Variants in ADAMTS12 observed in about 807,000 individuals in gnomAD.
The protein encoded by ADAMTS12 is ADAM metallopeptidase with thrombospondin type 1 motif 12, also known as A disintegrin and metalloproteinase with thrombospondin motifs 12.
ADAMTS12 carries 118 observed loss-of-function variants against 167.8 expected under a neutral mutation model. That is an observed-to-expected ratio of 0.70 (90% CI 0.61 to 0.82). The LOEUF is 0.82. ADAMTS12 is among the 40% of genes least tolerant of loss of function. The probability of loss-of-function intolerance (pLI) is 0.00; values close to 1 mark genes in which losing one functional copy is unlikely to be tolerated. For synonymous variants in ADAMTS12, 704 were observed against 716.9 expected (o/e 0.98, Z 0.29); for missense variants, 1,916 against 1,998.8 (o/e 0.96, Z 0.79).
chr5:33,708,967 CAAAT>C (rs564703444), intron 3 of ADAMTS12, among the ~76,000 whole-genome samples: 12 of 151,450 alleles, frequency 7.9e-5, no homozygotes, highest in Non-Finnish European at 1.6e-4. Context: ...AATAAAAAAA[CAAAT>C]AAAAAACAAA....
In ADAMTS12 at chr5:33,648,913, G is replaced by GCT; in HGVS notation, c.1387_1388insAG (p.Ser463Ter). The GCT allele has an allele frequency of 5.0e-6, 8 of 1,614,026 alleles. No homozygotes were observed. Among genetic ancestry groups the GCT allele is most frequent in the Non-Finnish European group, 5.9e-6 (7 of 1,179,944 alleles). ...GATCACTCCGGGGGCAATGACCTTGGACTTCAAGCCTTTCTTTTTAGGTAT... is the reference window on the plus strand; with the variant it reads ...GATCACTCCGGGGGCAATGACCTTGGCTACTTCAAGCCTTTCTTTTTAGGTAT... ...DDIPKKKGLK[S>*]KVIAPGVIYD... is the part of the protein sequence containing the mutation. The change falls in exon 9 of 24, where the codon TCC becomes TAGCC. Residue 463 changes from serine to a stop codon, truncating the protein, a stop_gained and frameshift_variant. Transcript: ENST00000504830. LOFTEE classifies it high-confidence loss of function.
At chr5:33,585,100 G>A (rs1747278477) in intron 18 of ADAMTS12, among the ~76,000 whole-genome samples, 1 of 151,954 alleles carries the variant, frequency 6.6e-6, no homozygotes, top group Admixed American at 6.6e-5. Flanking sequence ...GAAAAAGATG[G>A]CATAGGTTTT....
chr5:33,637,719 A>G lies in ADAMTS12; in HGVS notation c.1746T>C (p.Thr582=). ...ACAAGCGATAGCGTTTTCTTTCTCC[A>G]GTGCAATATTTCCCTCCAAACTTTG... ...PEPKFGGKYC[T]GERKRYRLCN... Residue 582 remains threonine, a synonymous_variant, in exon 12 of 24, where the codon ACT becomes ACC. Transcript: ENST00000504830. The G allele has an allele frequency of 6.2e-7, 1 of 1,613,310 alleles. No homozygotes were observed.
chr5:33,550,804 G>T (rs917148712), intron 20 of ADAMTS12, among the ~76,000 whole-genome samples: 1 of 152,116 alleles, frequency 6.6e-6, no homozygotes, highest in African/African-American at 2.4e-5. Flanking sequence ...GCCCTGCCCT[G>T]CCCTGTTCCG....
intron 14 of ADAMTS12, among the ~76,000 whole-genome samples, chr5:33,616,723 A>G (rs1262564422): frequency 6.6e-6 from 1 of 152,246 alleles, no homozygotes; most frequent in Non-Finnish European, 1.5e-5. Flanking sequence ...TCACTGAAAT[A>G]GGAACTTATA....
chr5:33,659,243 T>C (rs1029749256), intron 6 of ADAMTS12, among the ~76,000 whole-genome samples: 4 of 152,072 alleles, frequency 2.6e-5, no homozygotes, highest in African/African-American at 7.2e-5. Context: ...GCTGGGGTAA[T>C]AGGACAGGAA....
intron 2 of ADAMTS12, among the ~76,000 whole-genome samples, chr5:33,818,113 CAA>C (rs1194844159): frequency 1.6e-4 from 24 of 152,154 alleles, no homozygotes; most frequent in African/African-American, 5.8e-4. Flanking sequence ...TTTGTTGTGA[CAA>C]GAGCAGGTAA....
At chr5:33,611,710 T>G (rs986913934) in intron 16 of ADAMTS12, among the ~76,000 whole-genome samples, 1 of 152,176 alleles carries the variant, frequency 6.6e-6, no homozygotes, top group African/African-American at 2.4e-5. Context: ...AAGGAATTGG[T>G]TAAGGAAATT....
At position 33,588,602 on chromosome 5, in the gene ADAMTS12, A is replaced by T. The variant is rs1160323356; in HGVS notation, c.2862T>A (p.Ser954Arg). 1 of 1,613,794 alleles carries T rather than the reference A, an allele frequency of 6.2e-7. No homozygotes were observed. Reference protein sequence around the residue: ...CPSDWTVGNWSECSVSCGGGV... With the variant: ...CPSDWTVGNWRECSVSCGGGV... ...CCCCGCCGAGCCCTGAGCTCACCTC[A>T]CTCCAGTTGCCCACTGTCCAGTCCG... Residue 954 changes from serine to arginine, a missense_variant, in exon 18 of 24, where the codon AGT becomes AGA. Coordinates refer to ENST00000504830, the MANE Select transcript of ADAMTS12 (RefSeq NM_030955.4).
intron 18 of ADAMTS12, among the ~76,000 whole-genome samples, chr5:33,582,743 C>T (rs963965727): frequency 5.3e-5 from 8 of 152,202 alleles, no homozygotes; most frequent in African/African-American, 1.9e-4. Context: ...AGAGCCTCCA[C>T]CTCATGTCCC....
At chr5:33,707,255 G>A (rs745638628) in intron 3 of ADAMTS12, among the ~76,000 whole-genome samples, 2 of 152,150 alleles carry the variant, frequency 1.3e-5, no homozygotes, top group South Asian at 4.1e-4. Flanking sequence ...GGGATGTGAA[G>A]TACCTCTTCA....
At chr5:33,654,735 T>C (rs1349311241) in intron 7 of ADAMTS12, among the ~76,000 whole-genome samples, 2 of 152,182 alleles carry the variant, frequency 1.3e-5, no homozygotes, top group East Asian at 1.9e-4. Context: ...TTTTCTAGCA[T>C]AGAGCCACAG....
chr5:33,732,598 T>C (rs1744233738), intron 3 of ADAMTS12, among the ~76,000 whole-genome samples: 1 of 152,178 alleles, frequency 6.6e-6, no homozygotes, highest in Non-Finnish European at 1.5e-5. Flanking sequence ...ATATAGCATA[T>C]TTTGCACAAC....
At chr5:33,762,325 G>C (rs1313932935) in intron 2 of ADAMTS12, among the ~76,000 whole-genome samples, 1 of 151,866 alleles carries the variant, frequency 6.6e-6, no homozygotes, top group Admixed American at 6.6e-5. Context: ...TGGCTAACAC[G>C]GTGAAACCCT....
rs773747916 is a variant in ADAMTS12, at chr5:33,891,457, A to G, written c.127+273T>C. ...AGGAGACAAAAGAGAAAAAGTTACC[A>G]GCTACCTCTTGGGTCTTTCAAAGAC... On this transcript the variant is annotated intron_variant, in intron 1 of 23. Transcript: ENST00000504830. 5.0e-4 allele frequency: 203 copies of G among 405,154 alleles called. 1 individual carries two copies. Among genetic ancestry groups the G allele is most frequent in the Non-Finnish European group, 6.6e-4 (151 of 230,392 alleles). The allele number at this position is 405,154 out of a possible 1,614,324, so 25.1% of individuals were successfully genotyped here.
At chr5:33,833,250 G>C (rs1748374026) in intron 2 of ADAMTS12, among the ~76,000 whole-genome samples, 1 of 152,184 alleles carries the variant, frequency 6.6e-6, no homozygotes, top group Admixed American at 6.5e-5. Context: ...AACAGTATTT[G>C]CTTTTTTAGT....
At chr5:33,729,737 G>A (rs1744112359) in intron 3 of ADAMTS12, among the ~76,000 whole-genome samples, 1 of 152,188 alleles carries the variant, frequency 6.6e-6, no homozygotes, top group Admixed American at 6.5e-5. Flanking sequence ...GAGACTGGCA[G>A]GTCAGGCAGA....
chr5:33,629,853 T>C (rs1739839185), intron 13 of ADAMTS12, among the ~76,000 whole-genome samples: 1 of 152,234 alleles, frequency 6.6e-6, no homozygotes, highest in Admixed American at 6.5e-5. Context: ...GCATACATAT[T>C]CCCATTGCAA....
At chr5:33,647,646 G>A (rs1740724957) in intron 9 of ADAMTS12, among the ~76,000 whole-genome samples, 2 of 152,178 alleles carry the variant, frequency 1.3e-5, no homozygotes, top group Admixed American at 1.3e-4. Flanking sequence ...TACGAGAATT[G>A]CTTGAACTGG....
Sources: gnomAD v4.1 joint callset for allele counts (sites outside exome capture counted in the v4.1 genomes callset) on GRCh38, gnomAD v4.1.1 for gene constraint, MANE v1.5 for transcripts, NCBI Gene and HGNC (gene_info 2026-07-23, HGNC 2026-07-21) for gene names.